NRG1: variants seen among roughly 807,000 people sequenced by gnomAD.
The protein encoded by NRG1 is pro-neuregulin-1, membrane-bound isoform.
Under a neutral mutation model 63.8 loss-of-function variants are expected in NRG1, and 18 were observed. The ratio of observed to expected loss-of-function variants is 0.28; its 90% CI spans 0.19 to 0.42. The LOEUF is 0.42. NRG1 is among the 10% of genes least tolerant of loss of function. The probability of loss-of-function intolerance (pLI) is 1.00; values close to 1 mark genes in which losing one functional copy is unlikely to be tolerated. For missense variants in NRG1, 762 were observed against 814.7 expected (o/e 0.94, Z 0.79); for synonymous variants, 302 against 301.3 (o/e 1.00, Z -0.02).
At chr8:32,751,152 C>T (rs1482479553) in intron 7 of NRG1, 4 of 152,230 alleles carry the variant, frequency 2.6e-5, no homozygotes, top group African/African-American at 9.7e-5. Context: ...TATCCGCATG[C>T]TTCTCAAAGG....
intron 1 of NRG1, among the ~76,000 whole-genome samples, chr8:32,187,747 GA>G (rs559116748): frequency 0.014 from 2,095 of 144,504 alleles, 57 homozygotes; most frequent in African/African-American, 0.048. Flanking sequence ...GTCCAGCCAA[GA>G]AAAAAAAAAA....
chr8:31,972,986 G>A (rs1013504177), intron 1 of NRG1, among the ~76,000 whole-genome samples: 5 of 152,162 alleles, frequency 3.3e-5, no homozygotes, highest in African/African-American at 4.8e-5. Flanking sequence ...TGATTACACT[G>A]TATGTATAAA....
intron 1 of NRG1, among the ~76,000 whole-genome samples, chr8:32,058,497 T>G (rs1419636037): frequency 6.6e-6 from 1 of 152,112 alleles, no homozygotes; most frequent in Non-Finnish European, 1.5e-5. Flanking sequence ...ATACCGCCAA[T>G]GAGTTGTAGA....
chr8:32,469,164 G>A (rs1373011819), intron 1 of NRG1, among the ~76,000 whole-genome samples: 3 of 152,302 alleles, frequency 2.0e-5, no homozygotes, highest in Non-Finnish European at 2.9e-5. Flanking sequence ...TTAGATAGAT[G>A]TAGGTAGATT....
intron 1 of NRG1, among the ~76,000 whole-genome samples, chr8:32,047,283 G>A (rs1208824618): frequency 1.3e-5 from 2 of 152,024 alleles, no homozygotes; most frequent in Non-Finnish European, 2.9e-5. Flanking sequence ...TCTCATCTGT[G>A]AGGTTTTAAG....
At chr8:31,678,544 A>C (rs1345639160) in intron 1 of NRG1, among the ~76,000 whole-genome samples, 1 of 151,722 alleles carries the variant, frequency 6.6e-6, no homozygotes, top group Non-Finnish European at 1.5e-5. Flanking sequence ...TGGTTTCTTC[A>C]CTTACGCTTT....
chr8:32,032,270 C>CT (rs1818373271), intron 1 of NRG1, among the ~76,000 whole-genome samples: 2 of 149,042 alleles, frequency 1.3e-5, no homozygotes, highest in African/African-American at 2.5e-5. Flanking sequence ...CTTTTATTTT[C>CT]TTTTTTTTGA....
At chr8:31,982,611 A>T (rs1369660237) in intron 1 of NRG1, among the ~76,000 whole-genome samples, 1 of 152,030 alleles carries the variant, frequency 6.6e-6, no homozygotes, top group Non-Finnish European at 1.5e-5. Context: ...CGGGAGAGGC[A>T]GGTAGGGGCC....
At chr8:31,959,764 C>T (rs1044282043) in intron 1 of NRG1, among the ~76,000 whole-genome samples, 1 of 150,776 alleles carries the variant, frequency 6.6e-6, no homozygotes, top group Non-Finnish European at 1.5e-5. Context: ...TCCCTGGAAC[C>T]CCAAGCAACC....
At chr8:32,530,163 A>T (rs546021373) in intron 1 of NRG1, among the ~76,000 whole-genome samples, 7 of 151,482 alleles carry the variant, frequency 4.6e-5, no homozygotes, top group South Asian at 2.1e-4. Flanking sequence ...GCTGGAGTGC[A>T]GTGGTGCTAT....
intron 1 of NRG1, among the ~76,000 whole-genome samples, chr8:32,280,680 G>GTTTTTTTT (rs1235833561): frequency 1.1e-4 from 6 of 53,756 alleles, no homozygotes; most frequent in African/African-American, 2.8e-4. Context: ...ACTGAATTAG[G>GTTTTTTTT]TTTTTTTTTT....
At position 32,742,075 on chromosome 8, in the gene NRG1, A is replaced by T. The variant is rs765565065; in HGVS notation, c.633-600A>T. ...GCCCATGAAAGTCCAAAACCAAGAA[A>T]GTATGTCAAAATAATCTGAAATTTG... On this transcript the variant is annotated intron_variant, in intron 6 of 11. Coordinates refer to ENST00000356819, the Ensembl canonical transcript of NRG1. The surrounding 1 kb of genome is among the most constrained non-coding windows in gnomAD (Gnocchi z 4.2). The T allele has an allele frequency of 6.2e-7, 1 of 1,613,216 alleles. No homozygotes were observed. Among genetic ancestry groups the T allele is most frequent in the Non-Finnish European group, 8.5e-7 (1 of 1,179,316 alleles).
At chr8:32,000,285 G>A (rs1326192227) in intron 1 of NRG1, among the ~76,000 whole-genome samples, 2 of 151,940 alleles carry the variant, frequency 1.3e-5, no homozygotes, top group African/African-American at 2.4e-5. Flanking sequence ...ATCCAGAGTT[G>A]TTCCCTACCT....
intron 1 of NRG1, among the ~76,000 whole-genome samples, chr8:32,146,615 CT>C (rs1836894060): frequency 1.3e-5 from 2 of 152,000 alleles, no homozygotes; most frequent in Non-Finnish European, 1.5e-5. Flanking sequence ...GGGTTGAGAC[CT>C]TTAATTAATC....
At chr8:32,377,850 G>A (rs1809820211) in intron 1 of NRG1, among the ~76,000 whole-genome samples, 1 of 152,066 alleles carries the variant, frequency 6.6e-6, no homozygotes, top group Non-Finnish European at 1.5e-5. Context: ...TGTCCCTCTT[G>A]GAATTACTTT....
chr8:31,880,254 T>C (rs1442479519), intron 1 of NRG1, among the ~76,000 whole-genome samples: 1 of 152,154 alleles, frequency 6.6e-6, no homozygotes, highest in Non-Finnish European at 1.5e-5. Context: ...GTGATTGTTT[T>C]ATAGGGAGGG....
At chr8:32,643,283 G>A (rs60609960) in intron 5 of NRG1, among the ~76,000 whole-genome samples, 3,284 of 152,210 alleles carry the variant, frequency 0.022, 133 homozygotes, top group African/African-American at 0.076. Flanking sequence ...GGGCTGGCAC[G>A]GTGACTGCTT....
chr8:31,729,458 A>G (rs2131345663), intron 1 of NRG1, among the ~76,000 whole-genome samples: 1 of 152,268 alleles, frequency 6.6e-6, no homozygotes, highest in South Asian at 2.1e-4. Context: ...TTGGAAAATG[A>G]TTTGTAAGTT....
chr8:31,755,627 C>G (rs1816891029), intron 1 of NRG1, among the ~76,000 whole-genome samples: 1 of 152,070 alleles, frequency 6.6e-6, no homozygotes, highest in Non-Finnish European at 1.5e-5. Context: ...TGCTCTGCTT[C>G]CTAGGGCTTT....
Sources: allele counts gnomAD v4.1 joint callset (sites outside exome capture counted in the v4.1 genomes callset), GRCh38; gene constraint gnomAD v4.1.1; non-coding constraint Gnocchi (gnomAD v3.1); transcripts MANE v1.5; gene names NCBI Gene and HGNC (gene_info 2026-07-23, HGNC 2026-07-21).